Variants in SPIDR observed in about 807,000 individuals in gnomAD.
The protein encoded by SPIDR is DNA repair-scaffolding protein.
In SPIDR, 93 loss-of-function variants were observed where a neutral mutation model predicts 104.6. The ratio of observed to expected loss-of-function variants is 0.89; its 90% confidence interval spans 0.75 to 1.06. The LOEUF (loss-of-function observed/expected upper bound fraction) is 1.06, where lower values mean the gene tolerates loss of function less well. Among genes scored for constraint, SPIDR ranks in the 50% least tolerant of loss-of-function variants. The probability of loss-of-function intolerance (pLI) is 0.00; values close to 1 mark genes in which losing one functional copy is unlikely to be tolerated. For synonymous variants in SPIDR, 431 were observed against 416.9 expected, an observed-to-expected ratio of 1.03 and a Z score of -0.41; for missense variants, 1,154 against 1,111.2, an observed-to-expected ratio of 1.04 and a Z score of -0.55.
chr8:47,728,041 G>A (rs975575545), intron 17 of SPIDR, among the ~76,000 whole-genome samples: 1 of 150,940 alleles, frequency 6.6e-6, no homozygotes, highest in Non-Finnish European at 1.5e-5. Context: ...CTCTCGAAAC[G>A]GGGAGTCAGA....
intron 10 of SPIDR, among the ~76,000 whole-genome samples, chr8:47,601,635 G>A (rs956448564): frequency 2.0e-5 from 3 of 152,238 alleles, no homozygotes; most frequent in African/African-American, 7.2e-5. Flanking sequence ...GGAGGTTGCA[G>A]TGAGCCAAGA....
At chr8:47,527,154 T>C (rs1377337727) in intron 8 of SPIDR, among the ~76,000 whole-genome samples, 2 of 152,108 alleles carry the variant, frequency 1.3e-5, no homozygotes, top group African/African-American at 2.4e-5. Flanking sequence ...TGTGCTTGTA[T>C]CGGGGGAAGG....
intron 10 of SPIDR, among the ~76,000 whole-genome samples, chr8:47,647,401 G>T (rs2070598897): frequency 6.6e-6 from 1 of 152,134 alleles, no homozygotes; most frequent in Non-Finnish European, 1.5e-5. Flanking sequence ...GATCCCCTGA[G>T]ATCAGGAGTT....
rs577844134 is a variant in SPIDR, at chr8:47,442,981, T to G, written c.1097+2439T>G. Among the ~76,000 whole-genome samples, 74 of 152,312 alleles carry G rather than the reference T, an allele frequency of 4.9e-4. 1 individual carries two copies. Among genetic ancestry groups the G allele is most frequent in the Non-Finnish European group, 2.9e-5 (2 of 68,034 alleles). Reference sequence around the variant, plus strand: ...TAAATGACCTTGTTTTTTTAATATCTAAATATGATTATTTTTCTTCAGGGA... The same window carrying G: ...TAAATGACCTTGTTTTTTTAATATCGAAATATGATTATTTTTCTTCAGGGA... On this transcript the variant is annotated intron_variant, in intron 8 of 19. Transcript: ENST00000297423.
chr8:47,718,183 T>C (rs1226718008), intron 16 of SPIDR, among the ~76,000 whole-genome samples: 7 of 152,184 alleles, frequency 4.6e-5, no homozygotes, highest in Non-Finnish European at 1.0e-4. Context: ...CATGCACTAC[T>C]AAAGCTACGT....
chr8:47,561,836 C>T (rs1224123750), intron 8 of SPIDR, among the ~76,000 whole-genome samples: 3 of 152,176 alleles, frequency 2.0e-5, no homozygotes, highest in Admixed American at 1.3e-4. Flanking sequence ...CACATTATAT[C>T]TCGTACACTG....
intron 5 of SPIDR, among the ~76,000 whole-genome samples, chr8:47,323,153 A>G (rs1170214832): frequency 6.6e-6 from 1 of 152,128 alleles, no homozygotes; most frequent in Non-Finnish European, 1.5e-5. Flanking sequence ...GAGAAATGTG[A>G]TAAACTGTCA....
At chr8:47,720,969 G>A (rs964814687) in intron 16 of SPIDR, among the ~76,000 whole-genome samples, 1 of 152,074 alleles carries the variant, frequency 6.6e-6, no homozygotes, top group African/African-American at 2.4e-5. Context: ...TGTTAGCCAG[G>A]CTGGTCTTGA....
intron 8 of SPIDR, among the ~76,000 whole-genome samples, chr8:47,443,923 G>A (rs1255555065): frequency 6.6e-6 from 1 of 152,120 alleles, no homozygotes; most frequent in African/African-American, 2.4e-5. Context: ...GAGGTGTAAT[G>A]CAGCTTTGCC....
chr8:47,566,178 G>A (rs2057814193), intron 8 of SPIDR, among the ~76,000 whole-genome samples: 1 of 150,224 alleles, frequency 6.7e-6, no homozygotes, highest in South Asian at 2.1e-4. Context: ...AGCTAGTTTT[G>A]TACTTTTAGT....
rs1563452788 is a variant in SPIDR at position 47,659,291 on chromosome 8, C to A, written c.1545-14510C>A. On this transcript the variant is annotated intron_variant, in intron 10 of 19. Coordinates refer to ENST00000297423, the MANE Select transcript of SPIDR (RefSeq NM_001080394.4). ...GAAAAAGGCTGAGGTTTTTTTCCCT[C>A]TTCTTTTGGTTGTCACTTTTAGCAA... is the stretch of plus-strand genomic sequence containing the variant. Among the ~76,000 whole-genome samples the A allele has an allele frequency of 2.6e-5, 4 of 152,082 alleles. No homozygotes were observed. The South Asian group carries it at 8.3e-4, about 31-fold the overall frequency.
intron 5 of SPIDR, among the ~76,000 whole-genome samples, chr8:47,335,824 T>C (rs140688773): frequency 1.8e-3 from 280 of 152,334 alleles, no homozygotes; most frequent in Non-Finnish European, 1.4e-3. Context: ...TCTTTGCTTC[T>C]CTGTAAATAA....
chr8:47,579,810 T>G (rs1458873416), intron 8 of SPIDR, among the ~76,000 whole-genome samples: 1 of 152,182 alleles, frequency 6.6e-6, no homozygotes, highest in Non-Finnish European at 1.5e-5. Context: ...TTGTGTCCCT[T>G]CCCTTTCCCA....
intron 19 of SPIDR, among the ~76,000 whole-genome samples, 192 bp from the exon 20 acceptor site, chr8:47,735,115 T>TGG (rs1258480394): frequency 3.7e-5 from 5 of 136,192 alleles, no homozygotes; most frequent in Admixed American, 6.9e-5. Flanking sequence ...TGTGTGGGTG[T>TGG]GTGTGTGTGT....
At chr8:47,470,925 G>A (rs1326071474) in intron 8 of SPIDR, among the ~76,000 whole-genome samples, 3 of 151,914 alleles carry the variant, frequency 2.0e-5, no homozygotes, top group Non-Finnish European at 2.9e-5. Context: ...TAGTAGAGAC[G>A]GGGTTTCACC....
rs75459639 is a variant in SPIDR at position 47,617,647 on chromosome 8, A to C, written c.1544+18451A>C. On this transcript the variant is annotated intron_variant, in intron 10 of 19. Coordinates refer to ENST00000297423, the MANE Select transcript of SPIDR (RefSeq NM_001080394.4). ...AATATATAAGAGATGTTGTTCCATT[A>C]ATAGACCTTTGTCAAGTGCCTACTG... Among the ~76,000 whole-genome samples, 1,281 of 152,322 alleles carry C rather than the reference A, an allele frequency of 8.4e-3. 16 individuals carry two copies. Among genetic ancestry groups the C allele is most frequent in the South Asian group, 0.023 (110 of 4,826 alleles).
chr8:47,315,977 C>T (rs2154258382), intron 5 of SPIDR, among the ~76,000 whole-genome samples: 1 of 152,242 alleles, frequency 6.6e-6, no homozygotes, highest in Admixed American at 6.5e-5. Context: ...TTAAAGAAAA[C>T]ACCTAACACT....
At chr8:47,380,877 A>G (rs1554645121) in intron 5 of SPIDR, among the ~76,000 whole-genome samples, 1 of 152,216 alleles carries the variant, frequency 6.6e-6, no homozygotes, top group Non-Finnish European at 1.5e-5. Flanking sequence ...TTTCAGTCAC[A>G]AAAAGCACAC....
rs187835623 is a variant in SPIDR, at chr8:47,613,639, G to A, written c.1544+14443G>A. On this transcript the variant is annotated intron_variant, in intron 10 of 19. Coordinates refer to ENST00000297423, the MANE Select transcript of SPIDR (RefSeq NM_001080394.4). The stretch of plus-strand genomic sequence containing the variant: ...AGTGGTGCAATTTCTCCACATCCTC[G>A]CCAGCACTTGCTATTTTCTTTTTGT... Among the ~76,000 whole-genome samples, 4 of 152,104 alleles carry A rather than the reference G, an allele frequency of 2.6e-5. No individual in the cohort carries two copies. In the South Asian group the frequency reaches 6.2e-4, roughly 24 times the overall value.
Sources: allele counts gnomAD v4.1 joint callset (sites outside exome capture counted in the v4.1 genomes callset), GRCh38; gene constraint gnomAD v4.1.1; transcripts MANE v1.5; gene names NCBI Gene and HGNC (gene_info 2026-07-23, HGNC 2026-07-21).